Variants in TBCK observed in about 807,000 individuals in gnomAD.
TBCK encodes TBC domain-containing protein kinase-like protein.
In TBCK, 99 loss-of-function variants were observed where a neutral mutation model predicts 113.4. The observed-to-expected ratio is 0.87, with a 90% confidence interval of 0.74 to 1.03. The LOEUF is 1.03. TBCK is among the 50% of genes least tolerant of loss of function. The pLI, the probability that TBCK is intolerant of heterozygous loss-of-function variation, is 0.00. For synonymous variants in TBCK, 369 were observed against 370.8 expected (o/e 1.00, Z 0.05); for missense variants, 1,045 against 1,061.3 (o/e 0.98, Z 0.21).
At chr4:106,153,716 A>G (rs1162870947) in intron 23 of TBCK, among the ~76,000 whole-genome samples, 1 of 152,022 alleles carries the variant, frequency 6.6e-6, no homozygotes. Context: ...TTTAGTGCTA[A>G]TAAGTTGGGT....
At chr4:106,192,174 T>C (rs1753745196) in intron 22 of TBCK, among the ~76,000 whole-genome samples, 2 of 151,986 alleles carry the variant, frequency 1.3e-5, no homozygotes, top group Non-Finnish European at 2.9e-5. Context: ...TTGCCACTAA[T>C]CTCCCTATAA....
At chr4:106,244,883 C>G (rs1245733313) in intron 10 of TBCK, 119 bp from the exon 11 acceptor site, 3 of 607,590 alleles carry the variant, frequency 4.9e-6, no homozygotes, top group Non-Finnish European at 8.0e-6. Context: ...ACTTCCAGTT[C>G]CTAGTTCTGA....
intron 1 of TBCK, among the ~76,000 whole-genome samples, chr4:106,312,480 G>A (rs1179056802): frequency 6.6e-6 from 1 of 152,100 alleles, no homozygotes; most frequent in Non-Finnish European, 1.5e-5. Flanking sequence ...ATGTGGAAGT[G>A]GAGCTTTGCT....
At chr4:106,062,076 C>T (rs984228559) in intron 25 of TBCK, among the ~76,000 whole-genome samples, 5 of 151,694 alleles carry the variant, frequency 3.3e-5, no homozygotes, top group African/African-American at 9.7e-5. Flanking sequence ...AAAAAGTTTT[C>T]TTTTATACTA....
intron 11 of TBCK, among the ~76,000 whole-genome samples, 190 bp from the exon 12 acceptor site, chr4:106,242,759 A>G (rs1760309392): frequency 6.6e-6 from 1 of 151,770 alleles, no homozygotes; most frequent in South Asian, 2.1e-4. Flanking sequence ...CATGTGCACA[A>G]TGTGCAGGTT....
At chr4:106,234,408 A>G (rs1759221931) in intron 15 of TBCK, among the ~76,000 whole-genome samples, 1 of 152,162 alleles carries the variant, frequency 6.6e-6, no homozygotes, top group South Asian at 2.1e-4. Context: ...GAAATTCTTC[A>G]AACAGAGGAT....
chr4:106,267,141 T>G (rs984055707), intron 3 of TBCK, among the ~76,000 whole-genome samples: 78 of 151,960 alleles, frequency 5.1e-4, no homozygotes, highest in African/African-American at 1.8e-3. Flanking sequence ...AATATTCTAC[T>G]CCTTTTGACA....
chr4:106,311,876 T>TA (rs570545780), intron 1 of TBCK, among the ~76,000 whole-genome samples: 1 of 152,054 alleles, frequency 6.6e-6, no homozygotes, highest in Non-Finnish European at 1.5e-5. Context: ...GATATTCATA[T>TA]AAAAAAATAA....
intron 23 of TBCK, among the ~76,000 whole-genome samples, chr4:106,170,348 G>C (rs1750846912): frequency 6.6e-6 from 1 of 151,890 alleles, no homozygotes; most frequent in Admixed American, 6.6e-5. Flanking sequence ...TCATTTAGCT[G>C]TTTCCCTCTC....
chr4:106,179,797 ACTTT>A (rs1303950248), intron 22 of TBCK, among the ~76,000 whole-genome samples: 2 of 151,934 alleles, frequency 1.3e-5, no homozygotes, highest in Admixed American at 1.3e-4. Flanking sequence ...TTCTGTGTTG[ACTTT>A]CTGTCTGGAT....
intron 23 of TBCK, among the ~76,000 whole-genome samples, chr4:106,122,299 C>T (rs972773022): frequency 5.9e-5 from 9 of 152,188 alleles, no homozygotes; most frequent in Admixed American, 3.3e-4. Context: ...TTCCTCGACA[C>T]ATACACTCTC....
intron 23 of TBCK, among the ~76,000 whole-genome samples, chr4:106,166,367 G>A (rs552420431): frequency 6.6e-6 from 1 of 151,616 alleles, no homozygotes; most frequent in African/African-American, 2.4e-5. Context: ...TTACAGAAGT[G>A]GTTTTTCAGA....
intron 25 of TBCK, among the ~76,000 whole-genome samples, chr4:106,056,825 T>A (rs544031101): frequency 7.6e-4 from 116 of 151,848 alleles, no homozygotes; most frequent in Non-Finnish European, 1.5e-3. Context: ...CTTACCATAG[T>A]AAAGACAATG....
At chr4:106,113,766 T>C (rs1013898862) in intron 24 of TBCK, among the ~76,000 whole-genome samples, 3 of 152,176 alleles carry the variant, frequency 2.0e-5, no homozygotes, top group East Asian at 1.9e-4. Flanking sequence ...TCCAGATAAT[T>C]TGTTCCTTCC....
intron 20 of TBCK, among the ~76,000 whole-genome samples, chr4:106,208,042 T>C (rs766254452): frequency 6.6e-6 from 1 of 152,100 alleles, no homozygotes; most frequent in African/African-American, 2.4e-5. Context: ...CAATGAGTGG[T>C]TGGGGGTCAG....
At chr4:106,240,833 A>G (rs1266110927) in intron 12 of TBCK, among the ~76,000 whole-genome samples, 1 of 152,040 alleles carries the variant, frequency 6.6e-6, no homozygotes, top group African/African-American at 2.4e-5. Context: ...AGAAAGATAG[A>G]CATGTGATAA....
intron 25 of TBCK, among the ~76,000 whole-genome samples, chr4:106,085,018 T>C (rs1359951384): frequency 2.6e-5 from 4 of 152,042 alleles, no homozygotes; most frequent in Non-Finnish European, 5.9e-5. Context: ...ACCAATGACA[T>C]TATGAAGAAA....
At chr4:106,123,517 A>G (rs1744731949) in intron 23 of TBCK, among the ~76,000 whole-genome samples, 1 of 152,300 alleles carries the variant, frequency 6.6e-6, no homozygotes, top group Admixed American at 6.5e-5. Context: ...AATTGGAAAA[A>G]ACTACTTTCA....
intron 19 of TBCK, among the ~76,000 whole-genome samples, chr4:106,228,041 A>C (rs924176512): frequency 4.6e-5 from 7 of 152,008 alleles, no homozygotes; most frequent in Non-Finnish European, 8.8e-5. Context: ...TAAGTAGTGA[A>C]ACTTAAATTT....
Sources: allele counts gnomAD v4.1 joint callset (sites outside exome capture counted in the v4.1 genomes callset), GRCh38; gene constraint gnomAD v4.1.1; transcripts MANE v1.5; gene names NCBI Gene and HGNC (gene_info 2026-07-23, HGNC 2026-07-21).